CDH12: variants seen among roughly 807,000 people sequenced by gnomAD.
CDH12 encodes the protein cadherin 12.
CDH12 carries 41 observed loss-of-function variants against 74.1 expected under a neutral mutation model. The observed-to-expected ratio is 0.55, with a 90% CI of 0.43 to 0.72. The LOEUF is 0.72. Among genes scored for constraint, CDH12 ranks in the 30% least tolerant of loss-of-function variants. CDH12 has a pLI of 0.00. For missense variants in CDH12, 945 were observed against 977.2 expected (o/e 0.97, Z 0.44); for synonymous variants, 399 against 355.0 (o/e 1.12, Z -1.39).
intron 6 of CDH12, among the ~76,000 whole-genome samples, chr5:21,895,768 C>T (rs1372074763): frequency 6.6e-6 from 1 of 152,138 alleles, no homozygotes. Flanking sequence ...TAGTAGCCTT[C>T]ATGATTGAAG....
intron 5 of CDH12, among the ~76,000 whole-genome samples, chr5:21,995,963 C>T (rs1736263471): frequency 6.6e-6 from 1 of 152,034 alleles, no homozygotes; most frequent in African/African-American, 2.4e-5. Flanking sequence ...TTGAATCCTT[C>T]CCTGAGTAGT....
intron 8 of CDH12, among the ~76,000 whole-genome samples, chr5:21,822,981 T>G (rs1029378438): frequency 6.6e-6 from 1 of 152,120 alleles, no homozygotes; most frequent in Non-Finnish European, 1.5e-5. Context: ...TTTCAAAAAT[T>G]ATCTTTGCAT....
intron 5 of CDH12, among the ~76,000 whole-genome samples, chr5:22,053,727 C>T (rs1740548407): frequency 6.6e-6 from 1 of 152,060 alleles, no homozygotes; most frequent in Admixed American, 6.6e-5. Context: ...AAGCAGAAAA[C>T]ACTCGATGAT....
At chr5:22,459,282 A>G (rs1745408821) in intron 2 of CDH12, among the ~76,000 whole-genome samples, 1 of 151,972 alleles carries the variant, frequency 6.6e-6, no homozygotes, top group African/African-American at 2.4e-5. Flanking sequence ...TATAAGTACC[A>G]CTCCTATAAT....
intron 4 of CDH12, among the ~76,000 whole-genome samples, chr5:22,110,764 C>T (rs998406115): frequency 6.6e-6 from 1 of 152,130 alleles, no homozygotes; most frequent in African/African-American, 2.4e-5. Flanking sequence ...TATGTCTACA[C>T]CTTAGCAGAT....
intron 1 of CDH12, among the ~76,000 whole-genome samples, chr5:22,519,508 C>G (rs577934591): frequency 1.3e-5 from 2 of 151,178 alleles, no homozygotes; most frequent in Non-Finnish European, 2.9e-5. Flanking sequence ...ACTGCAAACT[C>G]CACCTCCTGG....
intron 6 of CDH12, among the ~76,000 whole-genome samples, chr5:21,920,341 A>G (rs1340663460): frequency 2.0e-5 from 3 of 152,182 alleles, no homozygotes; most frequent in East Asian, 3.9e-4. Context: ...ATAAAGTCAG[A>G]TATCTTGGCT....
At chr5:22,581,450 G>A (rs1206925182) in intron 1 of CDH12, among the ~76,000 whole-genome samples, 1 of 152,102 alleles carries the variant, frequency 6.6e-6, no homozygotes, top group African/African-American at 2.4e-5. Flanking sequence ...TGCTGCAGAG[G>A]TTTCCATACA....
chr5:21,942,347 T>TATATATATATATACAC (rs1225173229), intron 6 of CDH12, among the ~76,000 whole-genome samples: 52 of 129,670 alleles, frequency 4.0e-4, no homozygotes, highest in African/African-American at 1.6e-3. Flanking sequence ...TATATATATA[T>TATATATATATATACAC]ACACACACAC....
At chr5:22,238,768 A>G (rs1483920487) in intron 3 of CDH12, among the ~76,000 whole-genome samples, 4 of 152,184 alleles carry the variant, frequency 2.6e-5, no homozygotes, top group Admixed American at 6.5e-5. Flanking sequence ...CAATAATAAG[A>G]GCCCTCTTAC....
At chr5:22,220,797 A>G (rs889092519) in intron 3 of CDH12, among the ~76,000 whole-genome samples, 1 of 151,824 alleles carries the variant, frequency 6.6e-6, no homozygotes, top group Non-Finnish European at 1.5e-5. Flanking sequence ...TTCAAATGTC[A>G]TTGGTGGTTG....
At chr5:21,908,853 G>T (rs1380661730) in intron 6 of CDH12, among the ~76,000 whole-genome samples, 1 of 152,200 alleles carries the variant, frequency 6.6e-6, no homozygotes, top group East Asian at 1.9e-4. Flanking sequence ...CTGGTTGTTT[G>T]CTCACTTAAT....
chr5:22,425,022 A>G (rs930699382), intron 2 of CDH12, among the ~76,000 whole-genome samples: 2 of 149,896 alleles, frequency 1.3e-5, no homozygotes, highest in African/African-American at 4.9e-5. Flanking sequence ...ATATCTGCAC[A>G]TTGCTTTTTT....
intron 3 of CDH12, among the ~76,000 whole-genome samples, chr5:22,262,074 A>C (rs1207731119): frequency 6.6e-6 from 1 of 152,040 alleles, no homozygotes; most frequent in Non-Finnish European, 1.5e-5. Context: ...CTTACTTAAT[A>C]TCATTGCATG....
intron 3 of CDH12, among the ~76,000 whole-genome samples, chr5:22,377,397 A>G (rs1741577879): frequency 6.6e-6 from 1 of 152,148 alleles, no homozygotes; most frequent in Admixed American, 6.6e-5. Context: ...CCCTGTCATG[A>G]ACAGTGCCAG....
At chr5:22,229,446 CAAAAA>C (rs71609756) in intron 3 of CDH12, among the ~76,000 whole-genome samples, 2 of 100,922 alleles carry the variant, frequency 2.0e-5, no homozygotes, top group Admixed American at 1.1e-4. Flanking sequence ...GACTCCGTCT[CAAAAA>C]AAAAAAAAAA....
chr5:22,209,159 TGACA>T (rs1751392872), intron 4 of CDH12, among the ~76,000 whole-genome samples: 1 of 152,194 alleles, frequency 6.6e-6, no homozygotes, highest in Non-Finnish European at 1.5e-5. Flanking sequence ...TCCTTGGATA[TGACA>T]GCTAATCATA....
intron 2 of CDH12, among the ~76,000 whole-genome samples, chr5:22,460,048 G>C (rs1384278094): frequency 6.6e-6 from 1 of 152,006 alleles, no homozygotes; most frequent in East Asian, 1.9e-4. Flanking sequence ...TAAGTGAATG[G>C]CTGCCCAAAT....
At chr5:22,797,375 G>T (rs1748285621) in intron 1 of CDH12, among the ~76,000 whole-genome samples, 1 of 152,058 alleles carries the variant, frequency 6.6e-6, no homozygotes, top group South Asian at 2.1e-4. Context: ...AAGCTCTGTA[G>T]TCCATGGCAT....
Sources: allele counts gnomAD v4.1 joint callset (sites outside exome capture counted in the v4.1 genomes callset), GRCh38; gene constraint gnomAD v4.1.1; transcripts MANE v1.5; gene names NCBI Gene and HGNC (gene_info 2026-07-23, HGNC 2026-07-21).